CP: variants seen among roughly 807,000 people sequenced by gnomAD.
CP encodes the protein caeruloplasmin.
In CP, 64 loss-of-function variants were observed where a neutral mutation model predicts 122.4. That is an observed-to-expected ratio of 0.52 (90% CI 0.43 to 0.64). CP has a LOEUF of 0.64. CP is among the 30% of genes least tolerant of loss of function. The pLI is 0.00. For synonymous variants in CP, 440 were observed against 436.4 expected, an observed-to-expected ratio of 1.01 and a Z score of -0.10; for missense variants, 1,167 against 1,284.4, an observed-to-expected ratio of 0.91 and a Z score of 1.40.
At position 149,181,721 on chromosome 3, in the gene CP, G is replaced by A. The variant is rs150621860; in HGVS notation, c.2554+284C>T. On this transcript the variant is annotated intron_variant, in intron 14 of 18. Coordinates refer to ENST00000264613, the MANE Select transcript of CP (RefSeq NM_000096.4). ...TGGTGTGGTAGATGCCATTTGAGCT[G>A]TGTTCTAGCTGAGCGAGGAGACAGC... 4.3e-3 allele frequency among the ~76,000 whole-genome samples: 654 copies of A among 152,282 alleles called. 6 individuals carry two copies. Among genetic ancestry groups the A allele is most frequent in the African/African-American group, 0.015 (621 of 41,562 alleles).
downstream of CP, among the ~76,000 whole-genome samples, chr3:149,169,599 T>G (rs1229667518): frequency 6.6e-6 from 1 of 152,198 alleles, no homozygotes; most frequent in Non-Finnish European, 1.5e-5. Flanking sequence ...TCTCTACTCA[T>G]TAGATGCCAA....
chr3:149,171,501 G>T (rs1724985271), downstream of CP, among the ~76,000 whole-genome samples: 1 of 152,080 alleles, frequency 6.6e-6, no homozygotes, highest in African/African-American at 2.4e-5. Context: ...TTCTTTAGAG[G>T]ATAGTAGAAA....
chr3:149,191,508 C>T (rs757807392), intron 9 of CP, among the ~76,000 whole-genome samples: 9 of 151,342 alleles, frequency 5.9e-5, no homozygotes, highest in Non-Finnish European at 1.2e-4. Flanking sequence ...CAACCACTAG[C>T]CAATTCATAC....
chr3:149,197,177 G>A (rs1207434444), intron 9 of CP, among the ~76,000 whole-genome samples: 1 of 152,082 alleles, frequency 6.6e-6, no homozygotes, highest in Non-Finnish European at 1.5e-5. Context: ...TTCGGACTCA[G>A]CCCGCCTGCA....
chr3:149,206,689 G>A (rs556958148), intron 5 of CP, among the ~76,000 whole-genome samples: 2 of 152,218 alleles, frequency 1.3e-5, no homozygotes, highest in South Asian at 2.1e-4. Flanking sequence ...ATTTTAAGGG[G>A]TTGCATTGGG....
At chr3:149,162,779 A>G in exon 6 of CP, 1 of 1,614,000 alleles carries the variant, frequency 6.2e-7, no homozygotes, top group Non-Finnish European at 8.5e-7. Flanking sequence ...CAGATGTGGT[A>G]CTTCAGGAAC....
In CP at chr3:149,183,496, T is replaced by C; in HGVS notation, c.2395A>G (p.Lys799Glu). 2 of 1,611,852 alleles carry C rather than the reference T, an allele frequency of 1.2e-6. No individual in the cohort carries two copies. Among genetic ancestry groups the C allele is most frequent in the Non-Finnish European group, 1.7e-6 (2 of 1,179,870 alleles). The change falls in exon 13 of 19, where the codon AAA becomes GAA. Residue 799 changes from lysine to glutamate, a missense_variant. By Grantham distance (56) the Lys-to-Glu change is moderately conservative. Coordinates refer to ENST00000264613, the MANE Select transcript of CP (RefSeq NM_000096.4). ...ATTCCCAGATGTTCTTCTTCAGCTT[T>C]TCTCTCCACTGGAACACGGAATGTG... ...DSTFRVPVER[K>E]AEEEHLGILG... is the part of the protein sequence containing the mutation.
At chr3:149,193,755 C>T (rs115344462) in intron 9 of CP, among the ~76,000 whole-genome samples, 193 of 152,250 alleles carry the variant, frequency 1.3e-3, no homozygotes, top group African/African-American at 4.4e-3. Context: ...ATATTCATTC[C>T]ATTTGTTTCT....
chr3:149,170,452 G>A (rs537952393), downstream of CP: 6 of 152,296 alleles, frequency 3.9e-5, no homozygotes, highest in Admixed American at 3.3e-4. Flanking sequence ...TATGTCAGAT[G>A]TGCATCATTG....
intron 9 of CP, among the ~76,000 whole-genome samples, chr3:149,191,423 C>A (rs1726543934): frequency 6.6e-6 from 1 of 151,958 alleles, no homozygotes; most frequent in African/African-American, 2.4e-5. Flanking sequence ...GAATTCTGTG[C>A]CTAGCACAGG....
intron 8 of CP, among the ~76,000 whole-genome samples, chr3:149,199,051 A>G (rs576532610): frequency 6.6e-6 from 1 of 152,222 alleles, no homozygotes; most frequent in Non-Finnish European, 1.5e-5. Context: ...TCAAATTTAC[A>G]TTTGAATAAC....
chr3:149,180,397 G>A lies in CP; in HGVS notation c.2555-735C>T, dbSNP rs190458069. On this transcript the variant is annotated intron_variant, in intron 14 of 18. Transcript: ENST00000264613. ...TCTTACCCTTTTCCCATGTGCTCTA[G>A]GCTTTTCTCCAGTCTGATCTGCGTT... Among the ~76,000 whole-genome samples, 308 of 152,178 alleles carry A rather than the reference G, an allele frequency of 2.0e-3. 1 individual carries two copies. The highest frequency in any genetic ancestry group is 4.1e-3 in the Admixed American group (62 of 15,276).
In CP at chr3:149,212,325, A is replaced by T. The variant is rs893818819; in HGVS notation, c.394+126T>A. Reference sequence around the variant, plus strand: ...AAAAAAAATTAAAAAAAAATAAAAAAAAAATAGTTAAGAGCTGAATGGCAG... The same window carrying T: ...AAAAAAAATTAAAAAAAAATAAAAATAAAATAGTTAAGAGCTGAATGGCAG... On this transcript the variant is annotated intron_variant, in intron 2 of 18. Coordinates refer to ENST00000264613, the MANE Select transcript of CP (RefSeq NM_000096.4). 37 of 1,022,778 alleles carry T rather than the reference A, an allele frequency of 3.6e-5. No individual in the cohort carries two copies. In the Middle Eastern group the frequency reaches 2.0e-3, roughly 56 times the overall value. The allele number at this position is 1,022,778 out of a possible 1,614,324, so 63.4% of individuals were successfully genotyped here.
intron 17 of CP, among the ~76,000 whole-genome samples, chr3:149,177,271 T>G (rs1022658947): frequency 6.6e-6 from 1 of 152,172 alleles, no homozygotes; most frequent in Non-Finnish European, 1.5e-5. Context: ...CTACCCTCTT[T>G]GTTAGCAATT....
exon 6 of CP, chr3:149,162,452 T>A: frequency 1.0e-6 from 1 of 972,750 alleles, no homozygotes; most frequent in Non-Finnish European, 1.6e-6. Flanking sequence ...CAGACATACA[T>A]AATCAGTTTA....
In CP at chr3:149,178,477, G is replaced by C. The variant is rs781046060; in HGVS notation, c.2816C>G (p.Ser939Cys). 13 of 1,613,642 alleles carry C rather than the reference G, an allele frequency of 8.1e-6. No individual in the cohort carries two copies. The highest frequency in any genetic ancestry group is 1.0e-5 in the Non-Finnish European group (12 of 1,179,644). The change falls in exon 16 of 19, where the codon TCT (serine) becomes TGT (cysteine). Residue 939 changes from serine to cysteine, a missense_variant. Ser to Cys is a moderately radical substitution (Grantham distance 112). This residue lies in a region of CP where 525 missense variants were observed against 657.2 expected (regional missense o/e 0.80). Coordinates refer to ENST00000264613, the MANE Select transcript of CP (RefSeq NM_000096.4). ...WYLDDNIKTY[S>C]DHPEKVNKDD... is the part of the protein sequence containing the mutation. ...TTTGTTTACTTTCTCGGGGTGATCA[G>C]AGTATGTTTTGATGTTGTCATCTAA...
Position 149,178,371 on chromosome 3 carries a change from A to G in CP, c.2878+44T>C, listed in dbSNP as rs188916387. On this transcript the variant is annotated intron_variant, in intron 16 of 18. Transcript: ENST00000264613. ...AAAATAATTTTATTTGAAAGAGAAA[A>G]TGATAAAAAAGTAGAAAAATTGTTT... is the stretch of plus-strand genomic sequence containing the variant. 1,112 of 1,392,802 alleles carry G rather than the reference A, an allele frequency of 8.0e-4. 1 individual carries two copies. Among genetic ancestry groups the G allele is most frequent in the Non-Finnish European group, 9.4e-4 (930 of 987,828 alleles). 86.3% of individuals were successfully genotyped at this position (1,392,802 alleles called of 1,614,324 possible).
intron 18 of CP, 96 bp from the exon 19 acceptor site, chr3:149,173,826 C>T: frequency 3.3e-6 from 2 of 597,364 alleles, no homozygotes; most frequent in Non-Finnish European, 6.0e-6. Flanking sequence ...TTTAATGTTA[C>T]TTTACTCCTG....
Position 149,207,386 on chromosome 3 carries a change from CA to C in CP, c.1012del (p.Cys338ValfsTer4). ...AQNPGEWMLSCQNLNHLKAGL... is the reference protein window; with the variant it reads ...AQNPGEWMLSXQNLNHLKAGL... Reference sequence around the variant, plus strand: ...ACCTTTCAGATGGTTTAGATTCTGACAGCTGAGCATCCATTCTCCAGGGTTC... The same window carrying C: ...ACCTTTCAGATGGTTTAGATTCTGACGCTGAGCATCCATTCTCCAGGGTTC... On this transcript the variant is annotated frameshift_variant, in exon 5 of 19. Coordinates refer to ENST00000264613, the MANE Select transcript of CP (RefSeq NM_000096.4). LOFTEE classifies it high-confidence loss of function. The C allele has an allele frequency of 6.2e-7, 1 of 1,613,922 alleles. No individual in the cohort carries two copies. The highest frequency in any genetic ancestry group is 8.5e-7 in the Non-Finnish European group (1 of 1,179,794).
Sources: allele counts gnomAD v4.1 joint callset (sites outside exome capture counted in the v4.1 genomes callset), GRCh38; gene constraint gnomAD v4.1.1; regional missense constraint gnomAD v4.1.1; transcripts MANE v1.5; gene names NCBI Gene and HGNC (gene_info 2026-07-23, HGNC 2026-07-21).